USH2A: variants seen among roughly 807,000 people sequenced by gnomAD.
USH2A encodes Usher syndrome 2A (autosomal recessive, mild).
USH2A carries 443 observed loss-of-function variants against 538.9 expected under a neutral mutation model. The ratio of observed to expected loss-of-function variants is 0.82; its 90% confidence interval spans 0.76 to 0.89. The LOEUF is 0.89. USH2A is among the 40% of genes least tolerant of loss of function. The pLI is 0.00. For synonymous variants in USH2A, 2,413 were observed against 2,273.5 expected (o/e 1.06, Z -1.75); for missense variants, 6,633 against 6,324.8 (o/e 1.05, Z -1.65).
At chr1:215,737,317 A>G (rs1252482787) in intron 60 of USH2A, among the ~76,000 whole-genome samples, 1 of 151,962 alleles carries the variant, frequency 6.6e-6, no homozygotes, top group Non-Finnish European at 1.5e-5. Context: ...TGAGTAAATC[A>G]TAAGAATGAA....
intron 37 of USH2A, among the ~76,000 whole-genome samples, chr1:215,956,975 GC>G (rs1309751920): frequency 1.3e-5 from 2 of 151,888 alleles, no homozygotes; most frequent in South Asian, 2.1e-4. Flanking sequence ...TCTTATTATT[GC>G]CCGTTTATAT....
At chr1:216,296,075 T>C (rs980120829) in intron 9 of USH2A, among the ~76,000 whole-genome samples, 17 of 152,144 alleles carry the variant, frequency 1.1e-4, no homozygotes, top group Middle Eastern at 3.4e-3. Context: ...TTTAATGGTA[T>C]TCCAAAATTT....
chr1:216,356,786 T>C (rs1466527976), intron 4 of USH2A, among the ~76,000 whole-genome samples: 2 of 152,116 alleles, frequency 1.3e-5, no homozygotes, highest in African/African-American at 4.8e-5. Context: ...ATTTTGAGTA[T>C]GTATTTAAGT....
chr1:215,811,666 G>C (rs963912430), intron 49 of USH2A, among the ~76,000 whole-genome samples: 1 of 152,078 alleles, frequency 6.6e-6, no homozygotes, highest in African/African-American at 2.4e-5. Flanking sequence ...CCAGCACTTT[G>C]GGAGGCCAAG....
At chr1:216,327,094 A>G (rs1311022261) in intron 5 of USH2A, among the ~76,000 whole-genome samples, 4 of 152,182 alleles carry the variant, frequency 2.6e-5, no homozygotes, top group African/African-American at 9.6e-5. Flanking sequence ...GAAAATAGAA[A>G]AATATATCAC....
chr1:215,628,776 A>C (rs1168577784), intron 71 of USH2A, 38 bp downstream of exon 71: 2 of 1,606,996 alleles, frequency 1.2e-6, no homozygotes, highest in African/African-American at 2.7e-5. Context: ...TTTTTCTGGG[A>C]TATTTAGCAA....
rs577577195 is a variant in USH2A, at chr1:216,398,381, G to A, written c.651+20133C>T. Reference sequence around the variant, plus strand: ...GTTTTAATATCCAGAAACATCTAACGTAGAACCACCAACAGGCACAGACAA... The same window carrying A: ...GTTTTAATATCCAGAAACATCTAACATAGAACCACCAACAGGCACAGACAA... On this transcript the variant is annotated intron_variant, in intron 3 of 71. Coordinates refer to ENST00000307340, the MANE Select transcript of USH2A (RefSeq NM_206933.4). Among the ~76,000 whole-genome samples, 230 of 152,224 alleles carry A rather than the reference G, an allele frequency of 1.5e-3. 1 individual carries two copies. Among genetic ancestry groups the A allele is most frequent in the South Asian group, 6.4e-3 (31 of 4,830 alleles).
intron 38 of USH2A, among the ~76,000 whole-genome samples, chr1:215,933,386 A>C (rs1666411340): frequency 6.6e-6 from 1 of 151,948 alleles, no homozygotes; most frequent in Admixed American, 6.6e-5. Context: ...TTCCCTTTTA[A>C]AATTATTGTC....
chr1:216,355,219 C>G (rs963749305), intron 4 of USH2A, among the ~76,000 whole-genome samples: 1 of 151,788 alleles, frequency 6.6e-6, no homozygotes, highest in African/African-American at 2.4e-5. Flanking sequence ...ATGAGAATTA[C>G]TTGAACCCAG....
intron 51 of USH2A, among the ~76,000 whole-genome samples, chr1:215,789,236 C>G (rs1444480095): frequency 6.6e-6 from 1 of 152,190 alleles, no homozygotes; most frequent in Non-Finnish European, 1.5e-5. Context: ...ATACAAAGTG[C>G]TTGCAGGGCT....
chr1:216,366,674 G>A (rs891594493), intron 3 of USH2A, among the ~76,000 whole-genome samples: 2 of 151,984 alleles, frequency 1.3e-5, no homozygotes, highest in Admixed American at 1.3e-4. Flanking sequence ...ATTTCAAGAA[G>A]TTACCCACAA....
intron 21 of USH2A, among the ~76,000 whole-genome samples, chr1:216,113,537 A>G (rs1210288701): frequency 6.6e-6 from 1 of 152,134 alleles, no homozygotes; most frequent in East Asian, 1.9e-4. Context: ...TTTAATTTGT[A>G]TTTACAAGAT....
intron 38 of USH2A, among the ~76,000 whole-genome samples, chr1:215,927,167 T>G (rs2102493506): frequency 6.6e-6 from 1 of 152,200 alleles, no homozygotes; most frequent in South Asian, 2.1e-4. Context: ...CTATGAAAAT[T>G]TACTGCTTTG....
chr1:216,351,773 G>A (rs2038292236), intron 4 of USH2A, among the ~76,000 whole-genome samples: 1 of 152,022 alleles, frequency 6.6e-6, no homozygotes. Flanking sequence ...GATTCTAGTG[G>A]AAGTGCTAAG....
At chr1:216,175,862 G>T (rs1158591451) in intron 20 of USH2A, among the ~76,000 whole-genome samples, 7 of 152,110 alleles carry the variant, frequency 4.6e-5, no homozygotes, top group Admixed American at 2.0e-4. Context: ...GTGCCCGTTG[G>T]TTTCTGATGG....
chr1:215,921,070 TAA>T (rs1171654383), intron 38 of USH2A, among the ~76,000 whole-genome samples: 1 of 152,086 alleles, frequency 6.6e-6, no homozygotes. Context: ...TTTACAAATA[TAA>T]GTTTTCTTGC....
At chr1:215,657,120 G>T (rs186017844) in intron 64 of USH2A, among the ~76,000 whole-genome samples, 4 of 152,204 alleles carry the variant, frequency 2.6e-5, no homozygotes, top group Non-Finnish European at 5.9e-5. Context: ...CACTGCTGCT[G>T]ATTTATGACT....
intron 61 of USH2A, among the ~76,000 whole-genome samples, chr1:215,704,115 C>T (rs1443966734): frequency 6.6e-6 from 1 of 152,224 alleles, no homozygotes; most frequent in Non-Finnish European, 1.5e-5. Context: ...ACGCCCCACC[C>T]TGCTTCTGCG....
At chr1:216,030,698 A>C (rs943071022) in intron 32 of USH2A, among the ~76,000 whole-genome samples, 1 of 149,728 alleles carries the variant, frequency 6.7e-6, no homozygotes. Context: ...TGTTAAAGAC[A>C]TATTCAATTT....
Sources: allele counts gnomAD v4.1 joint callset (sites outside exome capture counted in the v4.1 genomes callset), GRCh38; gene constraint gnomAD v4.1.1; transcripts MANE v1.5; gene names NCBI Gene and HGNC (gene_info 2026-07-23, HGNC 2026-07-21).